The following CDKL3 variants were observed in gnomAD, a reference collection of about 807,000 sequenced individuals.
CDKL3 encodes the protein cyclin-dependent kinase-like 3.
CDKL3 carries 65 observed loss-of-function variants against 69.3 expected under a neutral mutation model. That is an observed-to-expected ratio of 0.94 (90% CI 0.77 to 1.15). The LOEUF (loss-of-function observed/expected upper bound fraction) is 1.15. CDKL3 is among the 50% of genes most tolerant of loss of function. CDKL3 has a pLI of 0.00. For synonymous variants in CDKL3, 202 were observed against 221.6 expected, an observed-to-expected ratio of 0.91 and a Z score of 0.79; for missense variants, 652 against 689.2, an observed-to-expected ratio of 0.95 and a Z score of 0.61.
chr5:134,312,170 A>C (rs1292194266), intron 7 of CDKL3, 122 bp downstream of exon 7: 3 of 656,710 alleles, frequency 4.6e-6, no homozygotes, highest in Non-Finnish European at 8.1e-6. Context: ...CAATAACTCA[A>C]TAAATTTTTG....
At chr5:134,366,595 T>C (rs1757499216) in intron 1 of CDKL3, 51 bp from the exon 2 acceptor site, 11 of 1,166,598 alleles carry the variant, frequency 9.4e-6, no homozygotes, top group Non-Finnish European at 1.2e-5. Flanking sequence ...TTTATACTTT[T>C]ATTTATTAAA....
In CDKL3 at chr5:134,350,417, C is replaced by T. The variant is rs776418302; in HGVS notation, c.371G>A (p.Arg124Gln). ...TAAAATATTCTCAGGTTTTATATCT[C>T]GATGAATGATCTAAAAAACAAACAG... ...DYLHSNNIIH[R>Q]DIKPENILVS... Residue 124 changes from arginine (R) to glutamine (Q), a missense_variant, in exon 4 of 13, where the codon CGA (arginine) becomes CAA (glutamine). Physicochemically the swap from Arg to Gln is conservative, Grantham distance 43 (BLOSUM62 1). Transcript: ENST00000265334. 23 of 1,542,550 alleles carry T rather than the reference C, an allele frequency of 1.5e-5. No homozygotes were observed. Among genetic ancestry groups the T allele is most frequent in the Non-Finnish European group, 1.9e-5 (22 of 1,139,184 alleles).
At chr5:134,306,500 A>G in intron 10 of CDKL3, 109 bp downstream of exon 10, 1 of 706,214 alleles carries the variant, frequency 1.4e-6, no homozygotes, top group Non-Finnish European at 2.4e-6. Flanking sequence ...CTCTCTCAAA[A>G]AAACAAAACA....
At chr5:134,368,789 A>G (rs960989828), upstream of CDKL3, among the ~76,000 whole-genome samples, 2 of 152,124 alleles carry the variant, frequency 1.3e-5, no homozygotes, top group Non-Finnish European at 2.9e-5. Context: ...TCACACCTGT[A>G]ATCCCAGGGA....
downstream of CDKL3, among the ~76,000 whole-genome samples, chr5:134,284,940 G>A (rs1029205392): frequency 2.6e-5 from 4 of 152,150 alleles, no homozygotes; most frequent in East Asian, 1.9e-4. Context: ...TGCAGTTAAC[G>A]CAATCATCAC....
At chr5:134,320,944 A>T (rs1772582224) in intron 5 of CDKL3, among the ~76,000 whole-genome samples, 1 of 151,374 alleles carries the variant, frequency 6.6e-6, no homozygotes. Context: ...AAGGCTAACC[A>T]TCATAATGTT....
chr5:134,365,379 C>T (rs1206819164), intron 2 of CDKL3, among the ~76,000 whole-genome samples: 1 of 151,220 alleles, frequency 6.6e-6, no homozygotes, highest in Non-Finnish European at 1.5e-5. Flanking sequence ...CTCGGCCTCT[C>T]AAAGTGCTGG....
intron 12 of CDKL3, chr5:134,302,355 T>C: frequency 2.1e-6 from 1 of 469,946 alleles, no homozygotes; most frequent in South Asian, 2.0e-5. Context: ...ATACAGATAA[T>C]ATTTTCCCTG....
intron 10 of CDKL3, among the ~76,000 whole-genome samples, chr5:134,305,898 G>A (rs574336196): frequency 2.0e-4 from 30 of 152,130 alleles, no homozygotes; most frequent in Admixed American, 5.9e-4. Context: ...GAACTACATC[G>A]ATTATTTTGA....
intron 4 of CDKL3, among the ~76,000 whole-genome samples, chr5:134,325,337 T>G (rs189802332): frequency 6.6e-6 from 1 of 151,914 alleles, no homozygotes; most frequent in East Asian, 1.9e-4. Context: ...TTAATTATAG[T>G]ATATACAGTT....
intron 5 of CDKL3, among the ~76,000 whole-genome samples, chr5:134,321,518 CA>C (rs1201780108): frequency 6.6e-6 from 1 of 152,064 alleles, no homozygotes; most frequent in Admixed American, 6.6e-5. Flanking sequence ...AACTTTTAGA[CA>C]AATTAAAGTA....
At chr5:134,284,845 G>T (rs1206552717), downstream of CDKL3, among the ~76,000 whole-genome samples, 1 of 152,278 alleles carries the variant, frequency 6.6e-6, no homozygotes, top group Admixed American at 6.5e-5. Context: ...TATCTCCCTT[G>T]TTCCCTGAAA....
chr5:134,286,129 A>C (rs1160307478), downstream of CDKL3, among the ~76,000 whole-genome samples: 1 of 152,116 alleles, frequency 6.6e-6, no homozygotes, highest in Non-Finnish European at 1.5e-5. Context: ...AAAAAAGAAA[A>C]AAAACAACAA....
chr5:134,369,260 T>G (rs1561671802), upstream of CDKL3, among the ~76,000 whole-genome samples: 1 of 152,238 alleles, frequency 6.6e-6, no homozygotes, highest in Non-Finnish European at 1.5e-5. Flanking sequence ...TTAAAAGTGT[T>G]ATATCATTTT....
chr5:134,284,935 T>C (rs1178799370), downstream of CDKL3, among the ~76,000 whole-genome samples: 2 of 152,206 alleles, frequency 1.3e-5, no homozygotes, highest in Admixed American at 1.3e-4. Context: ...ATTTGTGCAG[T>C]TAACGCAATC....
Position 134,366,411 on chromosome 5 carries a change from CTCTCATAAAATA to C in CDKL3, c.101_112del (p.Ile34_Glu37del). The C allele has an allele frequency of 6.3e-7, 1 of 1,599,946 alleles. No homozygotes were observed. The highest frequency in any genetic ancestry group is 8.5e-7 in the Non-Finnish European group (1 of 1,173,458). ...AATTTTGTTGACAGATTGTTCTGGTCTCTCATAAAATATCTTAATGGCCACTATCTGCCCAGT... is the reference window on the plus strand; with the variant it reads ...AATTTTGTTGACAGATTGTTCTGGTCTCTTAATGGCCACTATCTGCCCAGT... On this transcript the variant is annotated inframe_deletion, in exon 2 of 13. Transcript: ENST00000265334.
chr5:134,359,501 C>T (rs190087728), intron 3 of CDKL3, among the ~76,000 whole-genome samples: 2 of 152,142 alleles, frequency 1.3e-5, no homozygotes, highest in Non-Finnish European at 2.9e-5. Context: ...ACTTACTATT[C>T]CCCCCGCCTT....
chr5:134,353,865 G>A (rs1561631453), intron 3 of CDKL3, among the ~76,000 whole-genome samples: 5 of 152,116 alleles, frequency 3.3e-5, no homozygotes. Flanking sequence ...GCCTGATCAT[G>A]TCACTTCTTT....
Position 134,308,201 on chromosome 5 carries a change from T to C in CDKL3, c.1301A>G (p.Asn434Ser), listed in dbSNP as rs1473023705. ...AGCCATCAAATTACTGTTAGTTAGA[T>C]TGATGGGTGGCATTGTCACAGAACC... ...CGGSVTMPPI[N>S]LTNSNLMAAN... The change falls in exon 9 of 13, where the codon AAT becomes AGT. Residue 434 changes from asparagine (N) to serine (S), a missense_variant. Coordinates refer to ENST00000265334, the MANE Select transcript of CDKL3 (RefSeq NM_001113575.2). 6.8e-6 allele frequency: 11 copies of C among 1,613,784 alleles called. No homozygotes were observed. Among genetic ancestry groups the C allele is most frequent in the South Asian group, 3.3e-5 (3 of 91,076 alleles).
Sources: allele counts gnomAD v4.1 joint callset (sites outside exome capture counted in the v4.1 genomes callset), GRCh38; gene constraint gnomAD v4.1.1; transcripts MANE v1.5; gene names NCBI Gene and HGNC (gene_info 2026-07-23, HGNC 2026-07-21).